The following DNAH11 variants were observed in gnomAD, a reference collection of about 807,000 sequenced individuals.
DNAH11 encodes the protein dynein axonemal heavy chain 11.
Under a neutral mutation model 526.0 loss-of-function variants are expected in DNAH11, and 442 were observed. The ratio of observed to expected loss-of-function variants is 0.84; its 90% confidence interval spans 0.78 to 0.91. The LOEUF is 0.91. Among genes scored for constraint, DNAH11 ranks in the 40% least tolerant of loss-of-function variants. The pLI is 0.00. For missense variants in DNAH11, 6,989 were observed against 5,448.7 expected, an observed-to-expected ratio of 1.28 and a Z score of -8.90; for synonymous variants, 2,461 against 1,935.9, an observed-to-expected ratio of 1.27 and a Z score of -7.12.
chr7:21,619,336 AGTTT>A, intron 24 of DNAH11, 114 bp downstream of exon 24: 1 of 1,268,054 alleles, frequency 7.9e-7, no homozygotes, highest in Non-Finnish European at 1.1e-6. Context: ...GATGAGTCCC[AGTTT>A]GTTCCCTGCT....
Position 21,747,282 on chromosome 7 carries a change from A to G in DNAH11, c.8511-1298A>G, listed in dbSNP as rs146133446. The stretch of plus-strand genomic sequence containing the variant: ...ATGACTGAGCTTGTAAAAATAACCT[A>G]TCTTCTCTGTTACTGGAGGTTTTCA... On this transcript the variant is annotated intron_variant, in intron 51 of 81. Coordinates refer to ENST00000409508, the MANE Select transcript of DNAH11 (RefSeq NM_001277115.2). Among the ~76,000 whole-genome samples, 1,266 of 152,296 alleles carry G rather than the reference A, an allele frequency of 8.3e-3. 61 individuals carry two copies. Among genetic ancestry groups the G allele is most frequent in the Admixed American group, 0.071 (1,090 of 15,290 alleles).
intron 63 of DNAH11, among the ~76,000 whole-genome samples, chr7:21,813,041 A>C (rs75251609): frequency 6.6e-6 from 1 of 152,182 alleles, no homozygotes; most frequent in Non-Finnish European, 1.5e-5. Flanking sequence ...ACCATGGGGC[A>C]TGAGTTTGAG....
chr7:21,549,465 T>G (rs4358685), intron 2 of DNAH11, among the ~76,000 whole-genome samples: 101,233 of 151,914 alleles, frequency 0.67, 35,648 homozygotes, highest in East Asian at 0.95. Context: ...GCGTTTATTA[T>G]GGTTTGGGGT....
chr7:21,873,429 C>T lies in DNAH11; in HGVS notation c.12123C>T (p.Ser4041=), dbSNP rs1783575230. Residue 4041 remains serine, a synonymous_variant, in exon 74 of 82, where the codon TCC becomes TCT. Coordinates refer to ENST00000409508, the MANE Select transcript of DNAH11 (RefSeq NM_001277115.2). The part of the protein sequence containing the change: ...HIIPQGLLEN[S]IKITNEPPTG... ...TCCCTCAAGGACTCCTGGAAAATTCCATTAAGATCACTAATGAACCCCCAA... is the reference window on the plus strand; with the variant it reads ...TCCCTCAAGGACTCCTGGAAAATTCTATTAAGATCACTAATGAACCCCCAA... 1 of 1,613,946 alleles carries T rather than the reference C, an allele frequency of 6.2e-7. No homozygotes were observed. The highest frequency in any genetic ancestry group is 8.5e-7 in the Non-Finnish European group (1 of 1,179,878).
intron 14 of DNAH11, among the ~76,000 whole-genome samples, chr7:21,597,588 G>T (rs1297956278): frequency 6.6e-6 from 1 of 152,136 alleles, no homozygotes; most frequent in Non-Finnish European, 1.5e-5. Flanking sequence ...AGAGAGCAAA[G>T]GGGAAGAAAC....
At chr7:21,899,947 T>C (rs1225916213) in intron 80 of DNAH11, 33 bp from the exon 81 acceptor site, 1 of 1,611,500 alleles carries the variant, frequency 6.2e-7, no homozygotes, top group Non-Finnish European at 8.5e-7. Flanking sequence ...TGCAACACTT[T>C]TATCCTATTC....
At chr7:21,662,671 T>G (rs950076148) in intron 30 of DNAH11, among the ~76,000 whole-genome samples, 5 of 152,216 alleles carry the variant, frequency 3.3e-5, no homozygotes, top group Admixed American at 2.6e-4. Flanking sequence ...TGTTACTAAC[T>G]GAGGTCACCA....
At chr7:21,671,921 A>G (rs1354631927) in intron 30 of DNAH11, among the ~76,000 whole-genome samples, 1 of 152,194 alleles carries the variant, frequency 6.6e-6, no homozygotes, top group African/African-American at 2.4e-5. Flanking sequence ...TTCGTTGCTC[A>G]ATATTGCACT....
At chr7:21,634,917 A>G (rs1263452960) in intron 25 of DNAH11, among the ~76,000 whole-genome samples, 1 of 152,184 alleles carries the variant, frequency 6.6e-6, no homozygotes, top group Non-Finnish European at 1.5e-5. Flanking sequence ...AGACATACTA[A>G]CCATATTTTA....
intron 23 of DNAH11, chr7:21,618,425 C>CTTG (rs1785882418): frequency 6.6e-6 from 1 of 152,536 alleles, no homozygotes; most frequent in Non-Finnish European, 1.5e-5. Context: ...TCCTGCAACC[C>CTTG]ATATGGCTGG....
chr7:21,596,201 G>A (rs7809703), intron 14 of DNAH11, among the ~76,000 whole-genome samples: 23,478 of 152,086 alleles, frequency 0.15, 1,815 homozygotes, highest in East Asian at 0.2. Context: ...CTGGAATAGC[G>A]TCCCAAGGCT....
chr7:21,680,233 G>C (rs375586539), intron 30 of DNAH11, among the ~76,000 whole-genome samples: 12 of 152,166 alleles, frequency 7.9e-5, no homozygotes, highest in Non-Finnish European at 1.3e-4. Flanking sequence ...TTGACAGTAG[G>C]CTACAAAGGT....
At chr7:21,735,260 T>A (rs887976034) in intron 45 of DNAH11, among the ~76,000 whole-genome samples, 1 of 152,218 alleles carries the variant, frequency 6.6e-6, no homozygotes, top group African/African-American at 2.4e-5. Flanking sequence ...TCTCCTGAAA[T>A]GTTGTAGATA....
chr7:21,829,439 C>T (rs2033364182), intron 65 of DNAH11, among the ~76,000 whole-genome samples: 1 of 152,178 alleles, frequency 6.6e-6, no homozygotes, highest in African/African-American at 2.4e-5. Context: ...CTCCAAACAG[C>T]AGGTTTTGCA....
At chr7:21,828,108 G>A (rs909354659) in intron 65 of DNAH11, among the ~76,000 whole-genome samples, 2 of 151,976 alleles carry the variant, frequency 1.3e-5, no homozygotes, top group African/African-American at 2.4e-5. Context: ...GCCACCATGC[G>A]CGGCTAATTT....
chr7:21,753,002 A>G (rs1321252624), intron 54 of DNAH11, among the ~76,000 whole-genome samples: 1 of 152,042 alleles, frequency 6.6e-6, no homozygotes, highest in Non-Finnish European at 1.5e-5. Context: ...TGAGCAAGAT[A>G]ATCTTTACTA....
At chr7:21,812,203 A>G (rs1411340459) in intron 63 of DNAH11, among the ~76,000 whole-genome samples, 1 of 152,212 alleles carries the variant, frequency 6.6e-6, no homozygotes, top group African/African-American at 2.4e-5. Context: ...AAAGACCAAT[A>G]GCTATATCAT....
chr7:21,723,788 C>T (rs1417025045), intron 44 of DNAH11, among the ~76,000 whole-genome samples: 2 of 148,330 alleles, frequency 1.3e-5, no homozygotes, highest in Non-Finnish European at 3.0e-5. Flanking sequence ...CTTGAGCACA[C>T]CAAGTTCTTT....
chr7:21,562,859 C>T (rs538820152), intron 5 of DNAH11, among the ~76,000 whole-genome samples: 15 of 152,248 alleles, frequency 9.9e-5, no homozygotes, highest in Non-Finnish European at 2.2e-4. Context: ...ACTGGTTACA[C>T]AGACAGATTA....
Sources: allele counts gnomAD v4.1 joint callset (sites outside exome capture counted in the v4.1 genomes callset), GRCh38; gene constraint gnomAD v4.1.1; transcripts MANE v1.5; gene names NCBI Gene and HGNC (gene_info 2026-07-23, HGNC 2026-07-21).